Variants in GRM7 observed in about 807,000 individuals in gnomAD.
GRM7 encodes the protein glutamate metabotropic receptor 7, also known as metabotropic glutamate receptor 7.
A neutral mutation model predicts 84.5 loss-of-function variants in GRM7; 35 were observed. The observed-to-expected ratio is 0.41, with a 90% CI of 0.32 to 0.55. The LOEUF is 0.55. Among genes scored for constraint, GRM7 ranks in the 20% least tolerant of loss-of-function variants. The pLI is 0.19. For missense variants in GRM7, 1,003 were observed against 1,194.6 expected (o/e 0.84, Z 2.36); for synonymous variants, 487 against 455.1 (o/e 1.07, Z -0.89).
chr3:7,439,293 G>A (rs1697188409), intron 5 of GRM7, among the ~76,000 whole-genome samples: 2 of 152,246 alleles, frequency 1.3e-5, no homozygotes, highest in Non-Finnish European at 1.5e-5. Flanking sequence ...TAGAGCAAAG[G>A]TCAGCAATAT....
chr3:7,583,350 A>G (rs1695354681), intron 8 of GRM7, among the ~76,000 whole-genome samples: 1 of 152,208 alleles, frequency 6.6e-6, no homozygotes, highest in Non-Finnish European at 1.5e-5. Context: ...AAATCTGCCT[A>G]GAACTAATAG....
At chr3:7,473,167 G>T (rs928405365) in intron 7 of GRM7, among the ~76,000 whole-genome samples, 1 of 152,082 alleles carries the variant, frequency 6.6e-6, no homozygotes, top group African/African-American at 2.4e-5. Context: ...ATTGCTTACT[G>T]CAGTAAGAGA....
At chr3:7,345,331 A>G (rs530288484) in intron 4 of GRM7, among the ~76,000 whole-genome samples, 24 of 151,172 alleles carry the variant, frequency 1.6e-4, no homozygotes, top group South Asian at 2.1e-4. Flanking sequence ...CTGGAGTGCA[A>G]TGGTGGGATT....
intron 7 of GRM7, among the ~76,000 whole-genome samples, chr3:7,561,203 C>T (rs1694010698): frequency 1.3e-5 from 2 of 152,020 alleles, no homozygotes; most frequent in African/African-American, 4.8e-5. Context: ...GCGTTTTTGC[C>T]ATCTTGTTTC....
chr3:7,689,350 T>A (rs1326848001), intron 9 of GRM7, among the ~76,000 whole-genome samples: 1 of 152,200 alleles, frequency 6.6e-6, no homozygotes, highest in Non-Finnish European at 1.5e-5. Context: ...ACTCTCCCTC[T>A]TTAACATTCA....
At chr3:7,637,850 A>G (rs552237989) in intron 8 of GRM7, among the ~76,000 whole-genome samples, 13 of 152,332 alleles carry the variant, frequency 8.5e-5, no homozygotes, top group African/African-American at 3.1e-4. Flanking sequence ...CCTCTCCCAC[A>G]GGAGCCTCTT....
At chr3:7,684,617 C>G (rs1200654163) in intron 9 of GRM7, among the ~76,000 whole-genome samples, 1 of 152,174 alleles carries the variant, frequency 6.6e-6, no homozygotes, top group African/African-American at 2.4e-5. Context: ...ATTTATACTA[C>G]CATATTTTTT....
At chr3:7,263,146 G>T (rs953172812) in intron 2 of GRM7, among the ~76,000 whole-genome samples, 2 of 152,128 alleles carry the variant, frequency 1.3e-5, no homozygotes, top group African/African-American at 4.8e-5. Context: ...GTGGTATAAG[G>T]TGGATTCGGT....
chr3:7,523,921 A>G (rs770685883), intron 7 of GRM7, among the ~76,000 whole-genome samples: 1 of 152,088 alleles, frequency 6.6e-6, no homozygotes, highest in Non-Finnish European at 1.5e-5. Flanking sequence ...GTCTCTCAAC[A>G]TAGTTTTCTG....
chr3:7,393,140 G>A (rs1033863663), intron 4 of GRM7, among the ~76,000 whole-genome samples: 3 of 152,126 alleles, frequency 2.0e-5, no homozygotes, highest in Non-Finnish European at 4.4e-5. Flanking sequence ...TAGAAATGTA[G>A]CAAGTACCCT....
At chr3:7,064,618 C>G (rs931720562) in intron 1 of GRM7, among the ~76,000 whole-genome samples, 1 of 149,602 alleles carries the variant, frequency 6.7e-6, no homozygotes, top group Non-Finnish European at 1.5e-5. Context: ...TGCGTTGGTT[C>G]CAAGATTTTG....
intron 8 of GRM7, among the ~76,000 whole-genome samples, chr3:7,611,660 A>G (rs900127443): frequency 1.1e-4 from 17 of 152,170 alleles, no homozygotes; most frequent in African/African-American, 4.1e-4. Context: ...CTTGCTCATA[A>G]AAGTTGCCCG....
rs538329120 is a variant in GRM7, at chr3:7,208,975, A to T, written c.736+62307A>T. 3.7e-4 allele frequency among the ~76,000 whole-genome samples: 57 copies of T among 152,338 alleles called. No individual in the cohort carries two copies. The South Asian group carries it at 0.012, about 32-fold the overall frequency. On this transcript the variant is annotated intron_variant, in intron 2 of 9. Transcript: ENST00000357716. ...TGACTTACGATGGGATTATGTCCTG[A>T]TAAAACCATCATAAGTTGAAAATAT...
chr3:7,402,215 A>G (rs1021322233), intron 4 of GRM7, among the ~76,000 whole-genome samples: 1 of 152,184 alleles, frequency 6.6e-6, no homozygotes, highest in African/African-American at 2.4e-5. Flanking sequence ...TCAGGTTACC[A>G]AGGAAGAGAA....
chr3:7,151,004 C>T lies in GRM7; in HGVS notation c.736+4336C>T, dbSNP rs1574964658. ...ACTGCTATGCTACCATCATACATGT[C>T]GACTTCTCAAAACCTAAAAGATCTA... On this transcript the variant is annotated intron_variant, in intron 2 of 9. Transcript: ENST00000357716. The surrounding 1 kb of genome is among the most constrained non-coding windows in gnomAD (Gnocchi z 4.5). 6.6e-6 allele frequency among the ~76,000 whole-genome samples: 1 copy of T among 152,108 alleles called. No homozygotes were observed. The highest frequency in any genetic ancestry group is 2.4e-5 in the African/African-American group (1 of 41,404).
Position 7,578,528 on chromosome 3 carries a change from G to C in GRM7, c.1622G>C (p.Cys541Ser). The C allele has an allele frequency of 6.2e-7, 1 of 1,612,620 alleles. No individual in the cohort carries two copies. Among genetic ancestry groups the C allele is most frequent in the Non-Finnish European group, 8.5e-7 (1 of 1,178,670 alleles). ...AAGAAGACACAGAAAGGAACTCCTT[G>C]CTGTTGGACCTGTGAGCCTTGCGAT... is the stretch of plus-strand genomic sequence containing the variant. ...QRKKTQKGTPCCWTCEPCDGY... is the reference protein window; with the variant it reads ...QRKKTQKGTPSCWTCEPCDGY... Residue 541 changes from cysteine (C) to serine (S), a missense_variant, in exon 8 of 10, where the codon TGC (cysteine) becomes TCC (serine). Cys to Ser is a moderately radical substitution (Grantham distance 112). Coordinates refer to ENST00000357716, the MANE Select transcript of GRM7 (RefSeq NM_000844.4).
At chr3:7,219,739 C>T (rs1696737093) in intron 2 of GRM7, among the ~76,000 whole-genome samples, 1 of 152,194 alleles carries the variant, frequency 6.6e-6, no homozygotes, top group South Asian at 2.1e-4. Flanking sequence ...ACATCAGTAG[C>T]AGCAAGCACA....
chr3:7,641,112 T>C (rs934132092), intron 8 of GRM7, among the ~76,000 whole-genome samples: 3 of 152,128 alleles, frequency 2.0e-5, no homozygotes, highest in Non-Finnish European at 4.4e-5. Context: ...AAAGGAAAAA[T>C]TTCCTAGTGA....
rs182325210 is a variant in GRM7, at chr3:7,259,487, T to G, written c.737-39197T>G. On this transcript the variant is annotated intron_variant, in intron 2 of 9. Coordinates refer to ENST00000357716, the MANE Select transcript of GRM7 (RefSeq NM_000844.4). ...CCAGTGTCTGTTGTCCCCCTCTTTGTGTCCATGTGTTCTCATCATTTAGCC... is the reference window on the plus strand; with the variant it reads ...CCAGTGTCTGTTGTCCCCCTCTTTGGGTCCATGTGTTCTCATCATTTAGCC... Among the ~76,000 whole-genome samples the G allele has an allele frequency of 3.3e-3, 501 of 152,284 alleles. 1 individual carries two copies. Among genetic ancestry groups the G allele is most frequent in the African/African-American group, 0.011 (477 of 41,562 alleles).
Sources: gnomAD v4.1 joint callset for allele counts (sites outside exome capture counted in the v4.1 genomes callset) on GRCh38, gnomAD v4.1.1 for gene constraint, Gnocchi (gnomAD v3.1) non-coding constraint, MANE v1.5 for transcripts, NCBI Gene and HGNC (gene_info 2026-07-23, HGNC 2026-07-21) for gene names.